CNIH3: variants seen among roughly 807,000 people sequenced by gnomAD.
CNIH3 encodes the protein cornichon family AMPA receptor auxiliary protein 3, also known as protein cornichon homolog 3.
CNIH3 carries 14 observed loss-of-function variants against 24.1 expected under a neutral mutation model. The observed-to-expected ratio is 0.58, with a 90% confidence interval of 0.38 to 0.91. CNIH3 has a LOEUF of 0.91. CNIH3 is among the 40% of genes least tolerant of loss of function. The pLI is 0.00. For missense variants in CNIH3, 178 were observed against 196.8 expected, an observed-to-expected ratio of 0.90 and a Z score of 0.57; for synonymous variants, 68 against 73.8, an observed-to-expected ratio of 0.92 and a Z score of 0.40.
At position 224,684,072 on chromosome 1, in the gene CNIH3, C is replaced by T. The variant is rs778558623; in HGVS notation, c.151-724C>T. On this transcript the variant is annotated intron_variant, in intron 2 of 5. Coordinates refer to ENST00000272133, the MANE Select transcript of CNIH3 (RefSeq NM_152495.2). This position sits in a 1 kb window ranked among gnomAD's most constrained non-coding sequence, Gnocchi z 4.2. ...CCAAATTGCCTCAGTAATGAAGCAC[C>T]GGGAGATGCCACAGCTGTGTTCAGT... 2.0e-5 allele frequency among the ~76,000 whole-genome samples: 3 copies of T among 152,148 alleles called. No individual in the cohort carries two copies. The highest frequency in any genetic ancestry group is 2.9e-5 in the Non-Finnish European group (2 of 68,026).
chr1:224,589,970 G>A (rs1027719902), downstream of CNIH3, among the ~76,000 whole-genome samples: 1 of 152,114 alleles, frequency 6.6e-6, no homozygotes, highest in East Asian at 1.9e-4. Flanking sequence ...TCTGCCTCTG[G>A]GGTTCAAGTA....
chr1:224,664,930 G>C (rs540997225), intron 1 of CNIH3: 3 of 152,098 alleles, frequency 2.0e-5, no homozygotes, highest in East Asian at 3.9e-4. Flanking sequence ...AAATTTTCAA[G>C]CCAATGAATT....
chr1:224,689,638 T>C (rs1308401996), intron 3 of CNIH3, among the ~76,000 whole-genome samples: 1 of 152,202 alleles, frequency 6.6e-6, no homozygotes, highest in African/African-American at 2.4e-5. Flanking sequence ...GAACTGCACC[T>C]TCCAAGAATT....
chr1:224,460,097 G>C (rs1463287892), intron 1 of CNIH3, among the ~76,000 whole-genome samples: 2 of 151,886 alleles, frequency 1.3e-5, no homozygotes, highest in Middle Eastern at 3.2e-3. Context: ...GGCTGCTCTC[G>C]AACTCCTGAG....
At chr1:224,514,003 A>C (rs1558121766), upstream of CNIH3, 5 of 152,156 alleles carry the variant, frequency 3.3e-5, no homozygotes. Flanking sequence ...ATTTCTTTCT[A>C]CAGTAGTTTT....
At chr1:224,498,949 T>G (rs1205706066) in intron 1 of CNIH3, among the ~76,000 whole-genome samples, 1 of 152,242 alleles carries the variant, frequency 6.6e-6, no homozygotes, top group Non-Finnish European at 1.5e-5. Context: ...AGCCTCTTCC[T>G]GTCCGCAGGC....
rs1393385708 is a variant in CNIH3, at chr1:224,458,555, C to G, written n.203+23693C>G. Among the ~76,000 whole-genome samples the G allele has an allele frequency of 6.6e-6, 1 of 152,242 alleles. No homozygotes were observed. Among genetic ancestry groups the G allele is most frequent in the East Asian group, 1.9e-4 (1 of 5,204 alleles). The stretch of plus-strand genomic sequence containing the variant: ...AGCAACCACCCTTTGACTACCTTCT[C>G]TGTGGCTGTTACTGTCTGATTCCAA... On this transcript the variant is annotated intron_variant and non_coding_transcript_variant, in intron 1 of 5. Coordinates refer to the CNIH3 transcript ENST00000471578. The surrounding 1 kb of genome is among the most constrained non-coding windows in gnomAD (Gnocchi z 4.3).
downstream of CNIH3, among the ~76,000 whole-genome samples, chr1:224,593,216 C>T (rs1016946873): frequency 4.0e-5 from 6 of 150,296 alleles, no homozygotes; most frequent in Admixed American, 4.0e-4. Flanking sequence ...AGCGCAGTGG[C>T]ATGATCTCAG....
At chr1:224,672,159 G>A (rs1039734677) in intron 1 of CNIH3, among the ~76,000 whole-genome samples, 7 of 152,102 alleles carry the variant, frequency 4.6e-5, no homozygotes, top group Non-Finnish European at 1.0e-4. Context: ...GAAGTAAAAA[G>A]CAGAATTCTC....
chr1:224,729,316 G>A (rs1417882647), intron 3 of CNIH3, among the ~76,000 whole-genome samples: 2 of 150,868 alleles, frequency 1.3e-5, no homozygotes, highest in Admixed American at 1.3e-4. Flanking sequence ...GGAGGCTGAG[G>A]CAGGAGAATT....
chr1:224,711,794 C>CA (rs11437581), intron 3 of CNIH3, among the ~76,000 whole-genome samples: 1,840 of 65,246 alleles, frequency 0.028, 95 homozygotes, highest in African/African-American at 0.069. Flanking sequence ...GACCCTGTCT[C>CA]AAAAAAAAAA....
downstream of CNIH3, among the ~76,000 whole-genome samples, chr1:224,591,425 T>C (rs1390794183): frequency 6.6e-6 from 1 of 152,208 alleles, no homozygotes; most frequent in Non-Finnish European, 1.5e-5. Context: ...TATGTACCTC[T>C]GGGTCTTACA....
intron 1 of CNIH3, among the ~76,000 whole-genome samples, chr1:224,467,228 G>T (rs528094860): frequency 1.3e-5 from 2 of 152,210 alleles, no homozygotes; most frequent in South Asian, 4.1e-4. Flanking sequence ...TTCTTGAACT[G>T]CTGGAAATGT....
chr1:224,610,460 ACTCT>A (rs913565601), intron 3 of CNIH3, among the ~76,000 whole-genome samples: 13 of 150,804 alleles, frequency 8.6e-5, no homozygotes, highest in Non-Finnish European at 8.9e-5. Context: ...ATTCCCTTTC[ACTCT>A]CTCTCTCTTT....
chr1:224,718,431 C>T (rs1008592608), intron 3 of CNIH3, among the ~76,000 whole-genome samples: 12 of 152,020 alleles, frequency 7.9e-5, no homozygotes, highest in Non-Finnish European at 1.5e-5. Flanking sequence ...GGTTGTAGGG[C>T]CCAGGGGCAC....
At chr1:224,530,760 C>T (rs972864973) in intron 2 of CNIH3, among the ~76,000 whole-genome samples, 9 of 151,980 alleles carry the variant, frequency 5.9e-5, no homozygotes, top group African/African-American at 1.2e-4. Flanking sequence ...CCACCATGTG[C>T]GGCTAATTTT....
At chr1:224,489,756 A>G (rs1677171011) in intron 1 of CNIH3, among the ~76,000 whole-genome samples, 1 of 152,036 alleles carries the variant, frequency 6.6e-6, no homozygotes, top group Non-Finnish European at 1.5e-5. Context: ...ACAAACATTG[A>G]TTTTTCGGTG....
At chr1:224,448,492 C>T (rs1331548902) in intron 1 of CNIH3, among the ~76,000 whole-genome samples, 1 of 152,152 alleles carries the variant, frequency 6.6e-6, no homozygotes, top group Non-Finnish European at 1.5e-5. Flanking sequence ...ACATTACATT[C>T]ATTGATGTTT....
intron 1 of CNIH3, among the ~76,000 whole-genome samples, chr1:224,487,839 C>A (rs1003913876): frequency 6.6e-6 from 1 of 152,152 alleles, no homozygotes; most frequent in Admixed American, 6.5e-5. Flanking sequence ...TGATGAATTA[C>A]CTAGGAAAGA....
Sources: allele counts gnomAD v4.1 joint callset (sites outside exome capture counted in the v4.1 genomes callset), GRCh38; gene constraint gnomAD v4.1.1; non-coding constraint Gnocchi (gnomAD v3.1); transcripts MANE v1.5; gene names NCBI Gene and HGNC (gene_info 2026-07-23, HGNC 2026-07-21).